Variants in PCDHA11 observed in about 807,000 individuals in gnomAD.
PCDHA11 encodes protocadherin alpha 11.
PCDHA11 carries 61 observed loss-of-function variants against 70.3 expected under a neutral mutation model. The observed-to-expected ratio is 0.87, with a 90% confidence interval of 0.71 to 1.07. The LOEUF is 1.07. Among genes scored for constraint, PCDHA11 ranks in the 50% least tolerant of loss-of-function variants. PCDHA11 has a pLI of 0.00. For synonymous variants in PCDHA11, 633 were observed against 555.1 expected, an observed-to-expected ratio of 1.14 and a Z score of -1.97; for missense variants, 1,324 against 1,237.5, an observed-to-expected ratio of 1.07 and a Z score of -1.05.
chr5:141,011,122 A>G lies in PCDHA11; in HGVS notation c.*1185A>G, dbSNP rs1554263297. On this transcript the variant is annotated 3_prime_UTR_variant, in exon 4 of 4. Transcript: ENST00000398640. ...TCTCTCTCTTTTCTAAGAAACAATT[A>G]TGTGCACTTTGATACACAACCTTCT... 1 of 153,686 alleles carries G rather than the reference A, an allele frequency of 6.5e-6. No homozygotes were observed. Among genetic ancestry groups the G allele is most frequent in the Non-Finnish European group, 1.5e-5 (1 of 68,034 alleles). 9.5% of individuals were successfully genotyped at this position (153,686 alleles called of 1,614,324 possible).
chr5:140,931,578 C>T (rs2087609680), intron 1 of PCDHA11, among the ~76,000 whole-genome samples: 1 of 152,008 alleles, frequency 6.6e-6, no homozygotes, highest in South Asian at 2.1e-4. Flanking sequence ...CCCATTCATT[C>T]AGTTGAACAG....
At chr5:140,974,614 C>T (rs757071183) in intron 1 of PCDHA11, among the ~76,000 whole-genome samples, 3 of 152,070 alleles carry the variant, frequency 2.0e-5, no homozygotes, top group East Asian at 1.9e-4. Context: ...AGGGTTCAAG[C>T]GATTCTCCTG....
chr5:140,884,403 T>A, intron 1 of PCDHA11: 1 of 1,613,992 alleles, frequency 6.2e-7, no homozygotes, highest in Middle Eastern at 1.6e-4. Context: ...AGCCTGTTGG[T>A]GCTCACGTTG....
intron 3 of PCDHA11, among the ~76,000 whole-genome samples, chr5:140,998,365 A>G (rs1434602564): frequency 6.6e-6 from 1 of 152,142 alleles, no homozygotes; most frequent in African/African-American, 2.4e-5. Context: ...ACCACTGCAC[A>G]CACCGTCTCT....
At chr5:140,922,993 T>A (rs2081107625) in intron 1 of PCDHA11, among the ~76,000 whole-genome samples, 1 of 152,054 alleles carries the variant, frequency 6.6e-6, no homozygotes, top group Non-Finnish European at 1.5e-5. Context: ...AGGCAAGCCA[T>A]GAGAATGGTT....
chr5:140,911,884 C>A (rs1283685498), intron 1 of PCDHA11, among the ~76,000 whole-genome samples: 1 of 152,050 alleles, frequency 6.6e-6, no homozygotes, highest in Non-Finnish European at 1.5e-5. Flanking sequence ...CTCCTGGGAC[C>A]AAAATCTGTA....
rs1456957620 is a variant in PCDHA11, at chr5:140,870,761, T to C, written c.1658T>C (p.Phe553Ser). The C allele has an allele frequency of 6.2e-7, 1 of 1,613,524 alleles. No homozygotes were observed. The highest frequency in any genetic ancestry group is 8.5e-7 in the Non-Finnish European group (1 of 1,179,876). The change falls in exon 1 of 4, where the codon TTC (phenylalanine) becomes TCC (serine). Residue 553 changes from phenylalanine to serine, a missense_variant. Transcript: ENST00000398640. ...PLSSNVTLQV[F>S]VLDENDNAPA... ...AGCAGCAACGTGACGCTGCAGGTGT[T>C]CGTGCTGGACGAGAACGACAACGCG...
intron 1 of PCDHA11, among the ~76,000 whole-genome samples, chr5:140,910,536 C>G (rs1554194300): frequency 1.3e-5 from 2 of 152,168 alleles, no homozygotes; most frequent in African/African-American, 4.8e-5. Flanking sequence ...CCTCACAAAT[C>G]TATTTTGCAA....
intron 1 of PCDHA11, chr5:140,928,543 A>G: frequency 6.2e-7 from 1 of 1,614,204 alleles, no homozygotes; most frequent in Non-Finnish European, 8.5e-7. Context: ...TAGGAATGAC[A>G]ATTATCCGGT....
intron 1 of PCDHA11, among the ~76,000 whole-genome samples, chr5:140,947,069 T>G (rs2094080715): frequency 6.6e-6 from 1 of 151,696 alleles, no homozygotes; most frequent in Admixed American, 6.6e-5. Context: ...AGTGTATATA[T>G]GTATTGAAAC....
rs188637090 is a variant in PCDHA11 at position 140,876,765 on chromosome 5, C to T, written c.2391+5271C>T. 1,055 of 1,614,234 alleles carry T rather than the reference C, an allele frequency of 6.5e-4. 5 individuals are homozygous for T. The African/African-American group carries it at 0.01, about 15-fold the overall frequency. ...TGGTGGTGACTGCGCGGGATGGGGG[C>T]TCGCCTTCGCTGTGGGCCACGGCTA... On this transcript the variant is annotated intron_variant, in intron 1 of 3. Transcript: ENST00000398640.
chr5:140,870,229 C>T lies in PCDHA11; in HGVS notation c.1126C>T (p.Arg376Cys), dbSNP rs781897836. 13 of 1,614,046 alleles carry T rather than the reference C, an allele frequency of 8.1e-6. No individual in the cohort carries two copies. Among genetic ancestry groups the T allele is most frequent in the East Asian group, 4.5e-5 (2 of 44,888 alleles). Residue 376 changes from arginine to cysteine, a missense_variant, in exon 1 of 4, where the codon CGT becomes TGT. Physicochemically the swap from Arg to Cys is radical, Grantham distance 180. Transcript: ENST00000398640. Reference protein sequence around the residue: ...TVIALISVSDRDSGVNGQVTC... With the variant: ...TVIALISVSDCDSGVNGQVTC... ...CATTGCCCTGATCAGCGTGTCTGAC[C>T]GTGACTCAGGTGTCAACGGACAGGT...
In PCDHA11 at chr5:140,984,045, T is replaced by C. The variant is rs77384794; in HGVS notation, c.2539+1482T>C. Among the ~76,000 whole-genome samples, 455 of 152,316 alleles carry C rather than the reference T, an allele frequency of 3.0e-3. 7 individuals carry two copies. In the East Asian group the frequency reaches 0.044, roughly 15 times the overall value. On this transcript the variant is annotated intron_variant, in intron 3 of 3. Transcript: ENST00000398640. ...AAGGGGAAAAACATAAAATAGTTCA[T>C]TGACAAATCTGTACCCTCAGTGCCA... is the stretch of plus-strand genomic sequence containing the variant.
At chr5:140,987,960 C>G (rs2097275437) in intron 3 of PCDHA11, among the ~76,000 whole-genome samples, 1 of 152,120 alleles carries the variant, frequency 6.6e-6, no homozygotes, top group African/African-American at 2.4e-5. Flanking sequence ...AACCAACTCC[C>G]CATGGAAAGA....
chr5:141,000,223 G>C (rs1190945878), intron 3 of PCDHA11, among the ~76,000 whole-genome samples: 1 of 151,642 alleles, frequency 6.6e-6, no homozygotes, highest in African/African-American at 2.4e-5. Context: ...AAATGCCTGT[G>C]TGGAGCTGAA....
At chr5:140,879,740 T>C (rs1337276853) in intron 1 of PCDHA11, among the ~76,000 whole-genome samples, 5 of 152,200 alleles carry the variant, frequency 3.3e-5, no homozygotes, top group Admixed American at 1.3e-4. Flanking sequence ...ATCAAGGTGT[T>C]GTCAAGGCTA....
chr5:140,870,241 G>A lies in PCDHA11; in HGVS notation c.1138G>A (p.Val380Ile), dbSNP rs782478787. The change falls in exon 1 of 4, where the codon GTC (valine) becomes ATC (isoleucine). Residue 380 changes from valine to isoleucine, a missense_variant. Val to Ile is a conservative substitution (Grantham distance 29, BLOSUM62 3). Transcript: ENST00000398640. ...LISVSDRDSG[V>I]NGQVTCSLTP... is the part of the protein sequence containing the mutation. ...CAGCGTGTCTGACCGTGACTCAGGT[G>A]TCAACGGACAGGTGACCTGCTCGCT... 2 of 1,614,196 alleles carry A rather than the reference G, an allele frequency of 1.2e-6. No individual in the cohort carries two copies. The highest frequency in any genetic ancestry group is 1.1e-5 in the South Asian group (1 of 91,090).
rs561284006 is a variant in PCDHA11, at chr5:140,905,585, T to G, written c.2391+34091T>G. 2.0e-5 allele frequency among the ~76,000 whole-genome samples: 3 copies of G among 152,306 alleles called. No individual in the cohort carries two copies. The East Asian group carries it at 5.8e-4, about 29-fold the overall frequency. On this transcript the variant is annotated intron_variant, in intron 1 of 3. Coordinates refer to ENST00000398640, the MANE Select transcript of PCDHA11 (RefSeq NM_018902.5). ...AGTCATGTGAAGAATGATAATGATATTTTGCTGGGAATTGCATTGAATCTA... is the reference window on the plus strand; with the variant it reads ...AGTCATGTGAAGAATGATAATGATAGTTTGCTGGGAATTGCATTGAATCTA...
chr5:141,001,825 CAG>C (rs1244261427), intron 3 of PCDHA11, among the ~76,000 whole-genome samples: 1 of 151,674 alleles, frequency 6.6e-6, no homozygotes, highest in Non-Finnish European at 1.5e-5. Flanking sequence ...CAAATTCTGA[CAG>C]AGAGGGAGAC....
Sources: allele counts gnomAD v4.1 joint callset (sites outside exome capture counted in the v4.1 genomes callset), GRCh38; gene constraint gnomAD v4.1.1; transcripts MANE v1.5; gene names NCBI Gene and HGNC (gene_info 2026-07-23, HGNC 2026-07-21).